ALDH5A1: variants seen among roughly 807,000 people sequenced by gnomAD.
ALDH5A1 encodes the protein succinate-semialdehyde dehydrogenase, mitochondrial.
Under a neutral mutation model 54.7 loss-of-function variants are expected in ALDH5A1, and 33 were observed. The ratio of observed to expected loss-of-function variants is 0.60; its 90% CI spans 0.46 to 0.81. The LOEUF (loss-of-function observed/expected upper bound fraction) is 0.81, where lower values mean the gene tolerates loss of function less well. Among genes scored for constraint, ALDH5A1 ranks in the 30% least tolerant of loss-of-function variants. ALDH5A1 has a pLI of 0.00. For synonymous variants in ALDH5A1, 294 were observed against 292.7 expected, an observed-to-expected ratio of 1.00 and a Z score of -0.05; for missense variants, 657 against 711.0, an observed-to-expected ratio of 0.92 and a Z score of 0.86.
At chr6:24,502,152 G>A (rs545825651) in intron 1 of ALDH5A1, among the ~76,000 whole-genome samples, 51 of 152,222 alleles carry the variant, frequency 3.4e-4, no homozygotes, top group African/African-American at 1.2e-3. Flanking sequence ...ACAATGTCTG[G>A]TGTCTGACAA....
chr6:24,506,113 G>A (rs151064044), intron 4 of ALDH5A1, among the ~76,000 whole-genome samples: 273 of 151,742 alleles, frequency 1.8e-3, no homozygotes, highest in Non-Finnish European at 3.0e-3. Flanking sequence ...ACATATATGT[G>A]TACACATGTG....
chr6:24,532,297 T>C (rs1759951949), intron 9 of ALDH5A1, 120 bp downstream of exon 9: 8 of 1,009,384 alleles, frequency 7.9e-6, no homozygotes, highest in Non-Finnish European at 1.2e-5. Context: ...GTATGTGTTT[T>C]GTTGCTTTCC....
In ALDH5A1 at chr6:24,508,391, T is replaced by TAA. The variant is rs1759401561; in HGVS notation, c.726+3406_726+3407insAA. Reference sequence around the variant, plus strand: ...AAAAAAAAAAAAAAAAAAAAAAAGATTAATAGTCTCTAATCCTCTAATCTC... The same window carrying TAA: ...AAAAAAAAAAAAAAAAAAAAAAAGATAATAATAGTCTCTAATCCTCTAATCTC... On this transcript the variant is annotated intron_variant, in intron 4 of 9. Transcript: ENST00000357578. Among the ~76,000 whole-genome samples the TAA allele has an allele frequency of 3.2e-4, 8 of 25,092 alleles. 1 individual carries two copies. The highest frequency in any genetic ancestry group is 7.5e-4 in the African/African-American group (8 of 10,658). 16.5% of individuals were successfully genotyped at this position (25,092 alleles called of 152,430 possible). A position where few individuals can be genotyped will look rare whatever the true frequency, so the allele number is the denominator to read the frequency against.
chr6:24,517,082 C>G (rs933087485), intron 5 of ALDH5A1, among the ~76,000 whole-genome samples: 1 of 152,112 alleles, frequency 6.6e-6, no homozygotes, highest in African/African-American at 2.4e-5. Flanking sequence ...TCTTGGCTAA[C>G]TGTAACCTCT....
In ALDH5A1 at chr6:24,536,021, T is replaced by A. The variant is rs139353216; in HGVS notation, c.*2309T>A. 1,065 of 152,330 alleles carry A rather than the reference T, an allele frequency of 7.0e-3. 14 individuals carry two copies. The highest frequency in any genetic ancestry group is 0.022 in the African/African-American group (903 of 41,566). The allele number at this position is 152,330 out of a possible 1,614,324, so 9.4% of individuals were successfully genotyped here. A position where few individuals can be genotyped will look rare whatever the true frequency, so the allele number is the denominator to read the frequency against. On this transcript the variant is annotated 3_prime_UTR_variant, in exon 10 of 10. Transcript: ENST00000357578. ...AGACTCATTGTATATCCTTGATCAA[T>A]TTTCTAATTAAAGGAAATAGCTTAT...
Position 24,530,191 on chromosome 6 carries a change from A to G in ALDH5A1, c.1344-1928A>G, listed in dbSNP as rs138775922. ...CGAGTCCCTCCCCTCATCTGCCAGC[A>G]TATTAATGCATTCTTCAGATATACT... On this transcript the variant is annotated intron_variant, in intron 8 of 9. Transcript: ENST00000357578. Among the ~76,000 whole-genome samples the G allele has an allele frequency of 4.4e-4, 67 of 151,792 alleles. 1 individual carries two copies. Among genetic ancestry groups the G allele is most frequent in the Middle Eastern group, 3.4e-3 (1 of 294 alleles).
chr6:24,531,796 G>A (rs1351426643), intron 8 of ALDH5A1, among the ~76,000 whole-genome samples: 1 of 152,144 alleles, frequency 6.6e-6, no homozygotes, highest in Non-Finnish European at 1.5e-5. Flanking sequence ...TATATTCCCA[G>A]TGGGTACCAA....
At chr6:24,521,033 G>A (rs1455173203) in intron 6 of ALDH5A1, among the ~76,000 whole-genome samples, 1 of 152,198 alleles carries the variant, frequency 6.6e-6, no homozygotes, top group African/African-American at 2.4e-5. Flanking sequence ...GGGAAAGAAA[G>A]TAAGAAAATG....
At chr6:24,527,668 G>T (rs1759844358) in intron 7 of ALDH5A1, among the ~76,000 whole-genome samples, 2 of 152,196 alleles carry the variant, frequency 1.3e-5, no homozygotes, top group Admixed American at 6.5e-5. Flanking sequence ...GATCCAAGAA[G>T]CTAGAAATAA....
At chr6:24,526,783 T>A (rs1318757755) in intron 7 of ALDH5A1, among the ~76,000 whole-genome samples, 1 of 147,566 alleles carries the variant, frequency 6.8e-6, no homozygotes, top group Non-Finnish European at 1.5e-5. Context: ...ATTCTGCAGA[T>A]TGAAAGATTT....
chr6:24,533,557 C>A lies in ALDH5A1; in HGVS notation c.1453C>A (p.Leu485Met). The A allele has an allele frequency of 6.2e-7, 1 of 1,614,090 alleles. No individual in the cohort carries two copies. The highest frequency in any genetic ancestry group is 2.2e-5 in the East Asian group (1 of 44,872). Residue 485 changes from leucine (L) to methionine (M), a missense_variant, in exon 10 of 10, where the codon CTG (leucine) becomes ATG (methionine). This residue lies in a region of ALDH5A1 where 425 missense variants were observed against 516.4 expected (regional missense o/e 0.82). Coordinates refer to ENST00000357578, the MANE Select transcript of ALDH5A1 (RefSeq NM_001080.3). Reference sequence around the variant, plus strand: ...CCAGATCTGGAGAGTGGCAGAGCAGCTGGAAGTGGGCATGGTTGGCGTCAA... The same window carrying A: ...CCAGATCTGGAGAGTGGCAGAGCAGATGGAAGTGGGCATGGTTGGCGTCAA... Reference protein sequence around the residue: ...PAQIWRVAEQLEVGMVGVNEG... With the variant: ...PAQIWRVAEQMEVGMVGVNEG...
rs116088472 is a variant in ALDH5A1, at chr6:24,531,847, T to C, written c.1344-272T>C. Among the ~76,000 whole-genome samples, 420 of 152,310 alleles carry C rather than the reference T, an allele frequency of 2.8e-3. 1 individual carries two copies. The highest frequency in any genetic ancestry group is 4.3e-3 in the Non-Finnish European group (295 of 68,036). On this transcript the variant is annotated intron_variant, in intron 8 of 9. Transcript: ENST00000357578. The stretch of plus-strand genomic sequence containing the variant: ...TTTTTTAAAGGGATTTTGTTTGATA[T>C]TCTGGATATGCCACAGTTCCCTACA...
At chr6:24,501,918 T>TGTGTAC (rs68098949) in intron 1 of ALDH5A1, among the ~76,000 whole-genome samples, 1 of 144,668 alleles carries the variant, frequency 6.9e-6, no homozygotes, top group South Asian at 2.3e-4. Flanking sequence ...TGTGTGGGTG[T>TGTGTAC]ATATATATAT....
chr6:24,523,262 C>T (rs1439066165), intron 7 of ALDH5A1, among the ~76,000 whole-genome samples: 1 of 150,334 alleles, frequency 6.7e-6, no homozygotes, highest in Non-Finnish European at 1.5e-5. Context: ...TACATGGAAT[C>T]GAATGGAATT....
rs554604932 is a variant in ALDH5A1, at chr6:24,518,296, A to G, written c.871-2105A>G. 1.3e-5 allele frequency among the ~76,000 whole-genome samples: 2 copies of G among 152,354 alleles called. No homozygotes were observed. Among genetic ancestry groups the G allele is most frequent in the South Asian group, 2.1e-4 (1 of 4,832 alleles). ...GCCCTGAGGAGGTCAGCCCATGGGA[A>G]CTGGAGCTGGGAAAAGATTCATTAA... is the stretch of plus-strand genomic sequence containing the variant. On this transcript the variant is annotated intron_variant, in intron 5 of 9. Transcript: ENST00000357578. This position sits in a 1 kb window ranked among gnomAD's most constrained non-coding sequence, Gnocchi z 4.2.
Position 24,522,915 on chromosome 6 carries a change from C to T in ALDH5A1, c.1163C>T (p.Ala388Val), listed in dbSNP as rs536355368. The T allele has an allele frequency of 4.0e-5, 65 of 1,607,800 alleles. No individual in the cohort carries two copies. Among genetic ancestry groups the T allele is most frequent in the African/African-American group, 3.0e-4 (22 of 74,184 alleles). Residue 388 changes from alanine to valine, a missense_variant, in exon 7 of 10, where the codon GCG becomes GTG. Ala to Val is a moderately conservative substitution (Grantham distance 64). Transcript: ENST00000357578. The stretch of plus-strand genomic sequence containing the variant: ...CAGGGCCCATTAATTAATGAAAAAG[C>T]GGTAGAAAAGGTAAGTATATTGTAT... ...TTQGPLINEK[A>V]VEKVEKQVND...
At chr6:24,526,819 A>G (rs1452084276) in intron 7 of ALDH5A1, among the ~76,000 whole-genome samples, 1 of 131,254 alleles carries the variant, frequency 7.6e-6, no homozygotes, top group East Asian at 2.0e-4. Context: ...AGGATGAATG[A>G]AAAGGGAATA....
In ALDH5A1 at chr6:24,515,296, A is replaced by G. The variant is rs532815337; in HGVS notation, c.856A>G (p.Thr286Ala). ...GTCCAAAATTTCCTTTACTGGTTCA[A>G]CAACTACAGGAAAGGTATGTGACTC... ...LVSKISFTGS[T>A]TTGKILLHHA... The change falls in exon 5 of 10, where the codon ACA (threonine) becomes GCA (alanine). Residue 286 changes from threonine (T) to alanine (A), a missense_variant. Thr to Ala is a moderately conservative substitution (Grantham distance 58). Transcript: ENST00000357578. 12 of 1,614,086 alleles carry G rather than the reference A, an allele frequency of 7.4e-6. No homozygotes were observed. The highest frequency in any genetic ancestry group is 9.3e-6 in the Non-Finnish European group (11 of 1,179,986).
Position 24,536,432 on chromosome 6 carries a change from C to A in ALDH5A1, c.*2720C>A, listed in dbSNP as rs560949465. ...TTATGGTATTGTCTGGGACTGCTTT[C>A]TTGGCAGAGTTGAATAGTTGGGACA... On this transcript the variant is annotated 3_prime_UTR_variant, in exon 10 of 10. Coordinates refer to ENST00000357578, the MANE Select transcript of ALDH5A1 (RefSeq NM_001080.3). The A allele has an allele frequency of 3.3e-5, 5 of 152,370 alleles. No homozygotes were observed. In the East Asian group the frequency reaches 9.6e-4, roughly 29 times the overall value. The allele number at this position is 152,370 out of a possible 1,614,324, so 9.4% of individuals were successfully genotyped here.
Sources: gnomAD v4.1 joint callset for allele counts (sites outside exome capture counted in the v4.1 genomes callset) on GRCh38, gnomAD v4.1.1 for gene constraint, gnomAD v4.1.1 regional missense constraint, Gnocchi (gnomAD v3.1) non-coding constraint, MANE v1.5 for transcripts, NCBI Gene and HGNC (gene_info 2026-07-23, HGNC 2026-07-21) for gene names.